The following DTD1 variants were observed in gnomAD, a reference collection of about 807,000 sequenced individuals.
The protein encoded by DTD1 is D-aminoacyl-tRNA deacylase 1.
DTD1 carries 13 observed loss-of-function variants against 25.6 expected under a neutral mutation model. The observed-to-expected ratio is 0.51, with a 90% CI of 0.33 to 0.81. DTD1 has a LOEUF of 0.81. DTD1 is among the 30% of genes least tolerant of loss of function. The pLI, the probability that DTD1 is intolerant of heterozygous loss-of-function variation, is 0.02. For missense variants in DTD1, 193 were observed against 266.4 expected (o/e 0.72, Z 1.92); for synonymous variants, 110 against 103.6 (o/e 1.06, Z -0.37).
intron 4 of DTD1, among the ~76,000 whole-genome samples, chr20:18,637,162 A>G (rs2060810760): frequency 6.6e-6 from 1 of 152,148 alleles, no homozygotes; most frequent in Non-Finnish European, 1.5e-5. Flanking sequence ...CTGTCTAAAA[A>G]TACTTTACAA....
chr20:18,597,885 G>A (rs1377326261), intron 3 of DTD1, among the ~76,000 whole-genome samples: 2 of 152,156 alleles, frequency 1.3e-5, no homozygotes, highest in Non-Finnish European at 2.9e-5. Context: ...GTGGAACATA[G>A]TCATTGTAGG....
chr20:18,686,713 C>T (rs2061018519), intron 4 of DTD1, among the ~76,000 whole-genome samples: 1 of 149,956 alleles, frequency 6.7e-6, no homozygotes, highest in African/African-American at 2.5e-5. Flanking sequence ...ATTGCCTGTT[C>T]CTGTCCTTTG....
At chr20:18,686,678 T>TG (rs1265271939) in intron 4 of DTD1, among the ~76,000 whole-genome samples, 3 of 133,198 alleles carry the variant, frequency 2.3e-5, no homozygotes, top group East Asian at 2.2e-4. Flanking sequence ...GTGTGTGTGG[T>TG]GTGTGTGTGC....
At chr20:18,645,598 A>G (rs2060847209) in intron 4 of DTD1, among the ~76,000 whole-genome samples, 1 of 152,260 alleles carries the variant, frequency 6.6e-6, no homozygotes, top group African/African-American at 2.4e-5. Flanking sequence ...ATAGTGGAAT[A>G]CTATACAAAG....
intron 3 of DTD1, chr20:18,610,930 C>A (rs1014968115): frequency 6.6e-6 from 1 of 152,168 alleles, no homozygotes; most frequent in African/African-American, 2.4e-5. Flanking sequence ...ACAAAAAACA[C>A]CAGAATGTAC....
At chr20:18,752,152 A>G (rs2061323520) in intron 5 of DTD1, among the ~76,000 whole-genome samples, 1 of 151,784 alleles carries the variant, frequency 6.6e-6, no homozygotes, top group Non-Finnish European at 1.5e-5. Flanking sequence ...TTTGGATATG[A>G]CGTGCCTAGG....
Position 18,764,486 on chromosome 20 carries a change from A to G in DTD1, c.*1146A>G, listed in dbSNP as rs2061374191. The G allele has an allele frequency of 1.3e-5, 2 of 152,344 alleles. No homozygotes were observed. Among genetic ancestry groups the G allele is most frequent in the African/African-American group, 2.4e-5 (1 of 41,572 alleles). 9.4% of individuals were successfully genotyped at this position (152,344 alleles called of 1,614,324 possible). ...AAATATTTTTGTATATAGAAGAGAC[A>G]TCCTTAATTGTGATTTTTATAATGC... is the stretch of plus-strand genomic sequence containing the variant. On this transcript the variant is annotated 3_prime_UTR_variant, in exon 6 of 6. Coordinates refer to ENST00000377452, the MANE Select transcript of DTD1 (RefSeq NM_080820.6).
rs75246689 is a variant in DTD1 at position 18,617,830 on chromosome 20, A to T, written c.371-10297A>T. ...ATATCTTGGCTTTAAAAAAAAATTC[A>T]CAGTGTGTCCTAGAGATTCTTTTCA... On this transcript the variant is annotated intron_variant, in intron 3 of 5. Transcript: ENST00000377452. Among the ~76,000 whole-genome samples the T allele has an allele frequency of 7.9e-3, 1,197 of 152,248 alleles. 8 individuals carry two copies. Among genetic ancestry groups the T allele is most frequent in the Middle Eastern group, 0.014 (4 of 294 alleles).
At chr20:18,647,983 A>G (rs2060856447) in intron 4 of DTD1, among the ~76,000 whole-genome samples, 1 of 152,150 alleles carries the variant, frequency 6.6e-6, no homozygotes, top group African/African-American at 2.4e-5. Flanking sequence ...AGGGCTTTGA[A>G]AAGATCTCTT....
At chr20:18,693,914 AAAATT>A (rs1270761410) in intron 4 of DTD1, among the ~76,000 whole-genome samples, 1 of 152,196 alleles carries the variant, frequency 6.6e-6, no homozygotes, top group Non-Finnish European at 1.5e-5. Context: ...TGTAGCCATG[AAAATT>A]AAATTAATAA....
chr20:18,624,947 G>A (rs978185145), intron 3 of DTD1, among the ~76,000 whole-genome samples: 1 of 152,176 alleles, frequency 6.6e-6, no homozygotes, highest in Non-Finnish European at 1.5e-5. Context: ...CTTTAGTTTG[G>A]AATTGAGGGT....
chr20:18,673,897 C>A (rs2060959790), intron 4 of DTD1, among the ~76,000 whole-genome samples: 1 of 148,446 alleles, frequency 6.7e-6, no homozygotes. Flanking sequence ...GAAATAAAAC[C>A]CTATGTTAGT....
intron 4 of DTD1, among the ~76,000 whole-genome samples, chr20:18,686,008 C>G (rs1228685854): frequency 6.6e-6 from 1 of 152,208 alleles, no homozygotes; most frequent in Non-Finnish European, 1.5e-5. Flanking sequence ...ATGTCCCAGT[C>G]CTTCTTACTT....
At chr20:18,682,096 G>C (rs183827661) in intron 4 of DTD1, among the ~76,000 whole-genome samples, 9 of 152,300 alleles carry the variant, frequency 5.9e-5, no homozygotes, top group Admixed American at 5.2e-4. Flanking sequence ...AGTTACAAGT[G>C]TGTATTGTAA....
intron 4 of DTD1, among the ~76,000 whole-genome samples, chr20:18,636,696 G>T (rs759628225): frequency 1.8e-4 from 27 of 152,318 alleles, no homozygotes; most frequent in Admixed American, 3.3e-4. Context: ...CACAAGTTTT[G>T]TATGTGTGGA....
At chr20:18,754,514 C>T (rs1348964115) in intron 5 of DTD1, among the ~76,000 whole-genome samples, 1 of 152,328 alleles carries the variant, frequency 6.6e-6, no homozygotes, top group East Asian at 1.9e-4. Context: ...GAGGGAGGCA[C>T]ATTACCCCTT....
At chr20:18,619,827 T>G (rs999939367) in intron 3 of DTD1, among the ~76,000 whole-genome samples, 11 of 152,222 alleles carry the variant, frequency 7.2e-5, no homozygotes, top group Non-Finnish European at 1.3e-4. Flanking sequence ...CTTATCTTTT[T>G]CTTCAGGTAT....
chr20:18,609,190 G>C (rs963705342), intron 3 of DTD1, among the ~76,000 whole-genome samples: 1 of 151,650 alleles, frequency 6.6e-6, no homozygotes, highest in Non-Finnish European at 1.5e-5. Flanking sequence ...ACCCAGGCTG[G>C]AGTGCAGTGG....
At chr20:18,704,336 C>G (rs6075400) in intron 4 of DTD1, among the ~76,000 whole-genome samples, 51,492 of 151,946 alleles carry the variant, frequency 0.34, 9,100 homozygotes, top group Non-Finnish European at 0.4. Flanking sequence ...CATTTGGTCT[C>G]CAGTGAGCCT....
Sources: gnomAD v4.1 joint callset for allele counts (sites outside exome capture counted in the v4.1 genomes callset) on GRCh38, gnomAD v4.1.1 for gene constraint, MANE v1.5 for transcripts, NCBI Gene and HGNC (gene_info 2026-07-23, HGNC 2026-07-21) for gene names.